The following MTMR7 variants were observed in gnomAD, a reference collection of about 807,000 sequenced individuals.
MTMR7 encodes phosphatidylinositol-3-phosphate phosphatase MTMR7.
Under a neutral mutation model 81.2 loss-of-function variants are expected in MTMR7, and 76 were observed. The ratio of observed to expected loss-of-function variants is 0.94; its 90% CI spans 0.78 to 1.13. The LOEUF is 1.13. Ranked by LOEUF, MTMR7 falls within the 50% of genes most tolerant of loss-of-function variation. The probability of loss-of-function intolerance (pLI) is 0.00; values close to 1 mark genes in which losing one functional copy is unlikely to be tolerated. For synonymous variants in MTMR7, 372 were observed against 289.8 expected, an observed-to-expected ratio of 1.28 and a Z score of -2.88; for missense variants, 1,044 against 820.0, an observed-to-expected ratio of 1.27 and a Z score of -3.34.
At chr8:17,350,619 C>G (rs146336108) in intron 4 of MTMR7, among the ~76,000 whole-genome samples, 81 of 152,260 alleles carry the variant, frequency 5.3e-4, no homozygotes, top group African/African-American at 1.9e-3. Context: ...AGGGGAAATA[C>G]TTTATCTGCA....
At chr8:17,413,239 CCCT>C (rs1821786042) in intron 1 of MTMR7, 27 bp downstream of exon 1, 1 of 1,547,978 alleles carries the variant, frequency 6.5e-7, no homozygotes, top group Non-Finnish European at 8.7e-7. Flanking sequence ...CTCCTCCCGT[CCCT>C]CCTCCGCCCG....
intron 2 of MTMR7, among the ~76,000 whole-genome samples, chr8:17,371,856 T>G (rs1327579577): frequency 6.7e-6 from 1 of 149,390 alleles, no homozygotes. Context: ...CTATAGTTTT[T>G]TTTTTTTTTT....
intron 1 of MTMR7, among the ~76,000 whole-genome samples, chr8:17,374,589 G>A (rs76443692): frequency 0.05 from 7,527 of 151,890 alleles, 763 homozygotes; most frequent in East Asian, 0.39. Flanking sequence ...CCACCGTACC[G>A]TAGCCTGGCG....
chr8:17,360,988 G>C (rs999353499), intron 4 of MTMR7, 129 bp downstream of exon 4: 2 of 1,039,056 alleles, frequency 1.9e-6, no homozygotes, highest in East Asian at 2.5e-5. Flanking sequence ...AACCAAGAGA[G>C]ACCTGGAAAT....
intron 1 of MTMR7, among the ~76,000 whole-genome samples, chr8:17,406,247 A>G (rs992453717): frequency 3.9e-5 from 6 of 152,230 alleles, no homozygotes; most frequent in African/African-American, 1.4e-4. Context: ...TACAAGTCAT[A>G]TAACTGACTA....
intron 4 of MTMR7, among the ~76,000 whole-genome samples, chr8:17,354,095 G>A (rs1274292872): frequency 1.3e-5 from 2 of 152,128 alleles, no homozygotes; most frequent in Non-Finnish European, 2.9e-5. Context: ...GCCCTCCAAG[G>A]ACCAATCATT....
intron 7 of MTMR7, 52 bp downstream of exon 7, chr8:17,331,098 G>T: frequency 6.4e-7 from 1 of 1,563,224 alleles, no homozygotes; most frequent in Non-Finnish European, 8.6e-7. Flanking sequence ...TTCCCTTTTG[G>T]CATCAAAATA....
chr8:17,348,058 C>A (rs893852665), intron 5 of MTMR7, among the ~76,000 whole-genome samples: 1 of 152,122 alleles, frequency 6.6e-6, no homozygotes, highest in South Asian at 2.1e-4. Context: ...GCTAGGACTG[C>A]GCACCCTGGT....
intron 1 of MTMR7, among the ~76,000 whole-genome samples, chr8:17,375,807 A>C (rs1377766883): frequency 6.6e-6 from 1 of 152,106 alleles, no homozygotes; most frequent in African/African-American, 2.4e-5. Context: ...TTTTCCTTGT[A>C]TAATAGCATT....
rs1387165179 is a variant in MTMR7, at chr8:17,413,322, G to T, written c.-30C>A. On this transcript the variant is annotated 5_prime_UTR_variant, in exon 1 of 14. Coordinates refer to ENST00000180173, the MANE Select transcript of MTMR7 (RefSeq NM_004686.5). ...GGCCCACGTCTGCAGGGTCCCGGGCGGGCGCGGCCTCACGCACCTGCGCGC... is the reference window on the plus strand; with the variant it reads ...GGCCCACGTCTGCAGGGTCCCGGGCTGGCGCGGCCTCACGCACCTGCGCGC... 2.2e-5 allele frequency: 34 copies of T among 1,526,202 alleles called. No homozygotes were observed. In the Middle Eastern group the frequency reaches 6.9e-4, roughly 31 times the overall value. 94.5% of individuals were successfully genotyped at this position (1,526,202 alleles called of 1,614,324 possible).
At chr8:17,380,823 T>G (rs1820733810) in intron 1 of MTMR7, among the ~76,000 whole-genome samples, 1 of 152,216 alleles carries the variant, frequency 6.6e-6, no homozygotes, top group South Asian at 2.1e-4. Flanking sequence ...ATCTTATACA[T>G]GAAATTAGTA....
intron 2 of MTMR7, 87 bp from the exon 3 acceptor site, chr8:17,371,286 A>G (rs1820413444): frequency 6.8e-7 from 1 of 1,466,908 alleles, no homozygotes; most frequent in Admixed American, 2.0e-5. Flanking sequence ...GCTCAAAGAA[A>G]GACAAGAAAC....
At chr8:17,362,140 C>G (rs1820079580) in intron 3 of MTMR7, among the ~76,000 whole-genome samples, 3 of 151,878 alleles carry the variant, frequency 2.0e-5, no homozygotes, top group South Asian at 2.1e-4. Context: ...GTCCTTGTAG[C>G]CACATTAAAA....
chr8:17,365,018 T>C (rs112208272), intron 3 of MTMR7, among the ~76,000 whole-genome samples: 7,512 of 152,310 alleles, frequency 0.049, 561 homozygotes, highest in African/African-American at 0.16. Flanking sequence ...TTGTACTAAT[T>C]TACATTCCCA....
At chr8:17,373,314 T>A in intron 1 of MTMR7, 74 bp from the exon 2 acceptor site, 1 of 1,512,426 alleles carries the variant, frequency 6.6e-7, no homozygotes, top group Non-Finnish European at 8.9e-7. Flanking sequence ...GATAACAGGG[T>A]AAACTCACAC....
chr8:17,341,520 C>A, intron 5 of MTMR7, 23 bp from the exon 6 acceptor site: 1 of 1,611,900 alleles, frequency 6.2e-7, no homozygotes, highest in South Asian at 1.1e-5. Context: ...GTCACAGCAA[C>A]ACAGCACCAT....
intron 7 of MTMR7, chr8:17,326,232 C>T (rs1478081438): frequency 1.3e-5 from 2 of 152,114 alleles, no homozygotes; most frequent in East Asian, 1.9e-4. Context: ...GTGGTTCTAC[C>T]ACTTACTATT....
At chr8:17,409,842 G>C (rs915257411) in intron 1 of MTMR7, among the ~76,000 whole-genome samples, 1 of 152,190 alleles carries the variant, frequency 6.6e-6, no homozygotes, top group Non-Finnish European at 1.5e-5. Flanking sequence ...ACGTCCCCCA[G>C]ATGGAACAGC....
At chr8:17,378,714 T>C (rs983871906) in intron 1 of MTMR7, among the ~76,000 whole-genome samples, 4 of 152,238 alleles carry the variant, frequency 2.6e-5, no homozygotes, top group African/African-American at 9.6e-5. Context: ...TTCTTGGATG[T>C]ACATTTTTTA....
Sources: allele counts gnomAD v4.1 joint callset (sites outside exome capture counted in the v4.1 genomes callset), GRCh38; gene constraint gnomAD v4.1.1; transcripts MANE v1.5; gene names NCBI Gene and HGNC (gene_info 2026-07-23, HGNC 2026-07-21).